The following MAPKBP1 variants were observed in gnomAD, a reference collection of about 807,000 sequenced individuals.
MAPKBP1 encodes mitogen-activated protein kinase binding protein 1.
MAPKBP1 carries 71 observed loss-of-function variants against 170.5 expected under a neutral mutation model. That is an observed-to-expected ratio of 0.42 (90% CI 0.34 to 0.51). The LOEUF is 0.51. Ranked by LOEUF, MAPKBP1 falls within the 20% of genes least tolerant of loss-of-function variation. The probability of loss-of-function intolerance (pLI) is 0.06; values close to 1 mark genes in which losing one functional copy is unlikely to be tolerated. For synonymous variants in MAPKBP1, 719 were observed against 757.9 expected (o/e 0.95, Z 0.84); for missense variants, 1,598 against 1,933.0 (o/e 0.83, Z 3.25).
At position 41,823,033 on chromosome 15, in the gene MAPKBP1, A is replaced by C. The variant is rs376901093; in HGVS notation, c.3409A>C (p.Asn1137His). The change falls in exon 28 of 31, where the codon AAT becomes CAT. Residue 1137 changes from asparagine to histidine, a missense_variant. Physicochemically the swap from Asn to His is moderately conservative, Grantham distance 68 (BLOSUM62 1). Around this residue, in one of 6 missense-constraint regions of MAPKBP1, gnomAD observed 942 missense variants for 953.2 expected, o/e 0.99. Transcript: ENST00000457542. ...SGEQPRGNGA[N>H]PPGAPPEVEP... ...TGAGCAGCCGAGAGGCAATGGTGCC[A>C]ATCCCCCTGGAGCACCCCCGGAGGT... is the stretch of plus-strand genomic sequence containing the variant. 6.6e-5 allele frequency: 106 copies of C among 1,613,878 alleles called. No individual in the cohort carries two copies. Among genetic ancestry groups the C allele is most frequent in the Non-Finnish European group, 8.5e-5 (100 of 1,179,990 alleles).
At chr15:41,792,653 T>A (rs1388918522) in intron 2 of MAPKBP1, among the ~76,000 whole-genome samples, 1 of 152,242 alleles carries the variant, frequency 6.6e-6, no homozygotes, top group Admixed American at 6.5e-5. Flanking sequence ...GCAGCAGTTG[T>A]GTCCCAAGTC....
intron 10 of MAPKBP1, 140 bp from the exon 11 acceptor site, chr15:41,815,119 A>G: frequency 1.1e-6 from 1 of 934,282 alleles, no homozygotes; most frequent in Non-Finnish European, 1.6e-6. Flanking sequence ...GGTATATACC[A>G]GTTATGTATG....
At chr15:41,797,575 A>G (rs2064513571) in intron 2 of MAPKBP1, among the ~76,000 whole-genome samples, 1 of 152,236 alleles carries the variant, frequency 6.6e-6, no homozygotes, top group African/African-American at 2.4e-5. Context: ...ATAGGTGACT[A>G]GATCCCAGTG....
rs561645621 is a variant in MAPKBP1 at position 41,807,910 on chromosome 15, G to T, written c.207-2973G>T. ...AAAAATTAGCCAGGCTTGGTGATGG[G>T]TGCCTGTAATCCCAGCTACTGGGGA... On this transcript the variant is annotated intron_variant, in intron 3 of 30. Transcript: ENST00000457542. Among the ~76,000 whole-genome samples the T allele has an allele frequency of 4.9e-3, 737 of 151,678 alleles. 4 individuals carry two copies. Among genetic ancestry groups the T allele is most frequent in the African/African-American group, 0.017 (704 of 41,402 alleles).
At position 41,789,846 on chromosome 15, in the gene MAPKBP1, T is replaced by C. The variant is rs528477946; in HGVS notation, c.115-9977T>C. 2.0e-5 allele frequency among the ~76,000 whole-genome samples: 3 copies of C among 152,340 alleles called. No homozygotes were observed. The East Asian group carries it at 5.8e-4, about 29-fold the overall frequency. ...GTGGCCCTCTGCCTTCTATCTTGGC[T>C]CTCAGACCTGTCCCTGATGCCTGCA... On this transcript the variant is annotated intron_variant, in intron 2 of 30. Transcript: ENST00000457542.
At position 41,823,435 on chromosome 15, in the gene MAPKBP1, T is replaced by A. The variant is rs1165567513; in HGVS notation, c.3599-12T>A. 1.0e-5 allele frequency: 16 copies of A among 1,605,556 alleles called. No homozygotes were observed. Among genetic ancestry groups the A allele is most frequent in the African/African-American group, 2.7e-5 (2 of 74,862 alleles). On this transcript the variant is annotated splice_polypyrimidine_tract_variant and intron_variant, in intron 28 of 30. Coordinates refer to ENST00000457542, the MANE Select transcript of MAPKBP1 (RefSeq NM_014994.3). ...AACACCTGACCTGTGTATACCTCTGTCTCCTTTGCAGAAAGACATGAGGCC... is the reference window on the plus strand; with the variant it reads ...AACACCTGACCTGTGTATACCTCTGACTCCTTTGCAGAAAGACATGAGGCC...
chr15:41,818,440 C>G lies in MAPKBP1; in HGVS notation c.2093-79C>G. The G allele has an allele frequency of 4.2e-5, 62 of 1,481,002 alleles. No homozygotes were observed. The highest frequency in any genetic ancestry group is 5.7e-5 in the Non-Finnish European group (61 of 1,068,308). The allele number at this position is 1,481,002 out of a possible 1,614,324, so 91.7% of individuals were successfully genotyped here. A position where few individuals can be genotyped will look rare whatever the true frequency, so the allele number is the denominator to read the frequency against. ...CCTATCCCTACCCTGCAGCCAACCC[C>G]CGTGTCCACTGTTGGGATGGAGAGG... is the stretch of plus-strand genomic sequence containing the variant. On this transcript the variant is annotated intron_variant, in intron 18 of 30. Transcript: ENST00000457542. This position sits in a 1 kb window ranked among gnomAD's most constrained non-coding sequence, Gnocchi z 5.2.
chr15:41,821,717 C>A lies in MAPKBP1; in HGVS notation c.2852C>A (p.Pro951Gln), dbSNP rs754926509. The change falls in exon 24 of 31, where the codon CCG becomes CAG. Residue 951 changes from proline (P) to glutamine (Q), a missense_variant. Coordinates refer to ENST00000457542, the MANE Select transcript of MAPKBP1 (RefSeq NM_014994.3). ...PAPIEDGIVY[P>Q]EPSDNPTMDT... ...CCCATTGAAGATGGTATTGTCTACCCGGAGCCGAGTGACAACCCCACCATG... is the reference window on the plus strand; with the variant it reads ...CCCATTGAAGATGGTATTGTCTACCAGGAGCCGAGTGACAACCCCACCATG... The A allele has an allele frequency of 6.2e-7, 1 of 1,613,982 alleles. No homozygotes were observed. Among genetic ancestry groups the A allele is most frequent in the Admixed American group, 1.7e-5 (1 of 59,996 alleles).
At chr15:41,774,732 GA>G in intron 1 of MAPKBP1, 122 bp downstream of exon 1, 2 of 399,972 alleles carry the variant, frequency 5.0e-6, no homozygotes, top group Non-Finnish European at 8.8e-6. Flanking sequence ...GGGAGTGGGG[GA>G]GGGAGGCTCC....
Position 41,824,068 on chromosome 15 carries a change from A to C in MAPKBP1, c.4213+7A>C. The stretch of plus-strand genomic sequence containing the variant: ...GCCCTGAGCCAGGACTCAGGTGTGC[A>C]CAGCTCCCCAGCTCTCATCTCCTGC... On this transcript the variant is annotated splice_region_variant and intron_variant, in intron 29 of 30. Transcript: ENST00000457542. The C allele has an allele frequency of 1.3e-6, 2 of 1,590,116 alleles. No homozygotes were observed. The highest frequency in any genetic ancestry group is 2.2e-5 in the South Asian group (2 of 89,816).
intron 3 of MAPKBP1, among the ~76,000 whole-genome samples, chr15:41,808,113 T>C (rs1237269763): frequency 1.4e-5 from 2 of 146,890 alleles, no homozygotes; most frequent in African/African-American, 2.5e-5. Context: ...TTCTTTTTTT[T>C]TTTTTTTTTT....
intron 24 of MAPKBP1, 93 bp from the exon 25 acceptor site, chr15:41,821,872 T>A (rs2065003892): frequency 1.9e-6 from 3 of 1,568,790 alleles, no homozygotes; most frequent in Non-Finnish European, 2.6e-6. Context: ...CACCACTGCC[T>A]CATCCCTCAC....
In MAPKBP1 at chr15:41,820,910, C is replaced by A. The variant is rs1253394454; in HGVS notation, c.2560C>A (p.Pro854Thr). ...GPRRRGRWVQ[P>T]GVELSVRSML... ...CAGAAGAAGAGGGCGCTGGGTTCAG[C>A]CAGGTGTGGAACTGAGCGTTAGATC... Residue 854 changes from proline to threonine, a missense_variant, in exon 23 of 31, where the codon CCA becomes ACA. By Grantham distance (38) the Pro-to-Thr change is conservative. Around this residue, in one of 6 missense-constraint regions of MAPKBP1, gnomAD observed 942 missense variants for 953.2 expected, o/e 0.99. Coordinates refer to ENST00000457542, the MANE Select transcript of MAPKBP1 (RefSeq NM_014994.3). The A allele has an allele frequency of 6.2e-7, 1 of 1,614,072 alleles. No homozygotes were observed. The highest frequency in any genetic ancestry group is 8.5e-7 in the Non-Finnish European group (1 of 1,180,038).
rs1345147543 is a variant in MAPKBP1, at chr15:41,823,911, G to A, written c.4063G>A (p.Ala1355Thr). The A allele has an allele frequency of 6.2e-7, 1 of 1,614,128 alleles. No individual in the cohort carries two copies. Among genetic ancestry groups the A allele is most frequent in the Non-Finnish European group, 8.5e-7 (1 of 1,180,024 alleles). ...TCCCAAGCCTAGGACAGAGTGCCAG[G>A]CTCATCCTGGGCCCAGCAGCCCCTG... Reference protein sequence around the residue: ...TTPKPRTECQAHPGPSSPCAQ... With the variant: ...TTPKPRTECQTHPGPSSPCAQ... The change falls in exon 29 of 31, where the codon GCT becomes ACT. Residue 1355 changes from alanine (A) to threonine (T), a missense_variant. Ala to Thr is a moderately conservative substitution (Grantham distance 58, BLOSUM62 0). Transcript: ENST00000457542.
At chr15:41,792,778 G>A (rs2064416535) in intron 2 of MAPKBP1, among the ~76,000 whole-genome samples, 1 of 152,212 alleles carries the variant, frequency 6.6e-6, no homozygotes, top group South Asian at 2.1e-4. Flanking sequence ...CTGAATCCCA[G>A]ACTTTATGGA....
Position 41,821,716 on chromosome 15 carries a change from C to G in MAPKBP1, c.2851C>G (p.Pro951Ala), listed in dbSNP as rs751537634. 4 of 1,613,992 alleles carry G rather than the reference C, an allele frequency of 2.5e-6. No homozygotes were observed. The highest frequency in any genetic ancestry group is 3.4e-6 in the Non-Finnish European group (4 of 1,180,016). The part of the protein sequence containing the change: ...PAPIEDGIVY[P>A]EPSDNPTMDT... ...ACCCATTGAAGATGGTATTGTCTACCCGGAGCCGAGTGACAACCCCACCAT... is the reference window on the plus strand; with the variant it reads ...ACCCATTGAAGATGGTATTGTCTACGCGGAGCCGAGTGACAACCCCACCAT... Residue 951 changes from proline to alanine, a missense_variant, in exon 24 of 31, where the codon CCG becomes GCG. Transcript: ENST00000457542.
chr15:41,790,323 C>T (rs369606711), intron 2 of MAPKBP1, among the ~76,000 whole-genome samples: 20 of 152,290 alleles, frequency 1.3e-4, no homozygotes, highest in African/African-American at 4.3e-4. Flanking sequence ...CTTTAATATG[C>T]AGATTCTCAA....
intron 2 of MAPKBP1, among the ~76,000 whole-genome samples, chr15:41,779,299 C>T (rs2064144916): frequency 6.6e-6 from 1 of 152,196 alleles, no homozygotes. Flanking sequence ...CAAACTCTGC[C>T]TCCCGGGTTC....
chr15:41,813,133 G>A lies in MAPKBP1; in HGVS notation c.819+32G>A, dbSNP rs200751901. ...ACCTCCGTCCCCAGGGGTAGGGTCT[G>A]CTCATGTCTCAGCTCAGGGGAGAAC... On this transcript the variant is annotated intron_variant, in intron 8 of 30. Coordinates refer to ENST00000457542, the MANE Select transcript of MAPKBP1 (RefSeq NM_014994.3). The A allele has an allele frequency of 1.2e-3, 1,949 of 1,577,906 alleles. 3 individuals are homozygous for A. Among genetic ancestry groups the A allele is most frequent in the Non-Finnish European group, 1.5e-3 (1,745 of 1,162,098 alleles).
Sources: allele counts gnomAD v4.1 joint callset (sites outside exome capture counted in the v4.1 genomes callset), GRCh38; gene constraint gnomAD v4.1.1; regional missense constraint gnomAD v4.1.1; non-coding constraint Gnocchi (gnomAD v3.1); transcripts MANE v1.5; gene names NCBI Gene and HGNC (gene_info 2026-07-23, HGNC 2026-07-21).